Variants in SLC25A28 observed in about 807,000 individuals in gnomAD.
SLC25A28 encodes solute carrier family 25 member 28, also known as mitoferrin-2.
A neutral mutation model predicts 31.9 loss-of-function variants in SLC25A28; 10 were observed. The ratio of observed to expected loss-of-function variants is 0.31; its 90% CI spans 0.19 to 0.53. The LOEUF is 0.53. SLC25A28 is among the 20% of genes least tolerant of loss of function. The pLI, the probability that SLC25A28 is intolerant of heterozygous loss-of-function variation, is 0.95. For missense variants in SLC25A28, 256 were observed against 490.3 expected, an observed-to-expected ratio of 0.52 and a Z score of 4.51; for synonymous variants, 208 against 203.6, an observed-to-expected ratio of 1.02 and a Z score of -0.19.
the SLC25A28 span, among the ~76,000 whole-genome samples, chr10:99,638,144 A>C: frequency 6.6e-6 from 1 of 152,168 alleles, no homozygotes; most frequent in African/African-American, 2.4e-5. Context: ...AATCCCAAAT[A>C]CTTAACAGCC....
the SLC25A28 span, among the ~76,000 whole-genome samples, chr10:99,626,710 A>G: frequency 0.27 from 41,224 of 152,032 alleles, 5,634 homozygotes; most frequent in Non-Finnish European, 0.3. Context: ...AGGGCAAAAC[A>G]TGGCTTTAAG....
the SLC25A28 span, among the ~76,000 whole-genome samples, chr10:99,635,933 C>T: frequency 6.6e-6 from 1 of 152,110 alleles, no homozygotes; most frequent in African/African-American, 2.4e-5. Context: ...CAATCGTAAA[C>T]ATATATGCAC....
chr10:99,644,952 G>A, the SLC25A28 span, among the ~76,000 whole-genome samples: 4 of 152,138 alleles, frequency 2.6e-5, no homozygotes, highest in Non-Finnish European at 5.9e-5. Context: ...TGCCTTTGTG[G>A]GTAACCCGAC....
chr10:99,618,693 G>T, intron 1 of SLC25A28: 13 of 985,316 alleles, frequency 1.3e-5, no homozygotes, highest in Non-Finnish European at 1.6e-5. Context: ...GTTTTCAATG[G>T]ATATGGCCCT....
chr10:99,610,842 T>C lies in SLC25A28; in HGVS notation c.*7A>G. 1 of 1,611,820 alleles carries C rather than the reference T, an allele frequency of 6.2e-7. No individual in the cohort carries two copies. Among genetic ancestry groups the C allele is most frequent in the Non-Finnish European group, 8.5e-7 (1 of 1,178,536 alleles). On this transcript the variant is annotated 3_prime_UTR_variant, in exon 4 of 4. Transcript: ENST00000370495. ...CATCTGAACCCCTGGCTTCGTTCAG[T>C]GCTACTTCACTTGCCAGCCCTCCAC...
chr10:99,659,032 G>A, the SLC25A28 span, among the ~76,000 whole-genome samples: 3 of 152,202 alleles, frequency 2.0e-5, no homozygotes, highest in South Asian at 2.1e-4. The surrounding 1 kb of genome is among the most constrained non-coding windows in gnomAD (Gnocchi z 4.1). Flanking sequence ...TGATAGGGAA[G>A]GTTTAAGGTG....
At chr10:99,616,347 C>G in intron 1 of SLC25A28, 1 of 788,758 alleles carries the variant, frequency 1.3e-6, no homozygotes, top group Non-Finnish European at 1.5e-6. Flanking sequence ...CCAAGAATGA[C>G]TGGCTCACAG....
the SLC25A28 span, among the ~76,000 whole-genome samples, chr10:99,639,103 A>AAT: frequency 4.9e-3 from 744 of 151,590 alleles, 14 homozygotes; most frequent in South Asian, 0.072. Context: ...AACATATATA[A>AAT]ATATATATAT....
Position 99,611,196 on chromosome 10 carries a change from G to C in SLC25A28, c.748C>G (p.Gln250Glu). 6.2e-7 allele frequency: 1 copy of C among 1,614,194 alleles called. No homozygotes were observed. The highest frequency in any genetic ancestry group is 8.5e-7 in the Non-Finnish European group (1 of 1,180,038). Residue 250 changes from glutamine to glutamate, a missense_variant, in exon 4 of 4, where the codon CAG becomes GAG. By Grantham distance (29) the Gln-to-Glu change is conservative. Transcript: ENST00000370495. This position sits in a 1 kb window ranked among gnomAD's most constrained non-coding sequence, Gnocchi z 5.5. ...AIHFMTYEFL[Q>E]EHFNPQRRYN... ...CGTCTCTGGGGGTTAAAGTGCTCCTGCAGGAATTCATAGGTCATGAAGTGA... is the reference window on the plus strand; with the variant it reads ...CGTCTCTGGGGGTTAAAGTGCTCCTCCAGGAATTCATAGGTCATGAAGTGA...
the SLC25A28 span, among the ~76,000 whole-genome samples, chr10:99,652,703 G>A: frequency 6.6e-6 from 1 of 152,058 alleles, no homozygotes; most frequent in Non-Finnish European, 1.5e-5. Context: ...CAAGTACTAC[G>A]GGCTTTTAGA....
At chr10:99,638,137 C>T in the SLC25A28 span, among the ~76,000 whole-genome samples, 1 of 152,024 alleles carries the variant, frequency 6.6e-6, no homozygotes, top group African/African-American at 2.4e-5. Context: ...CAGAAATAAT[C>T]CCAAATACTT....
chr10:99,610,858 A>G lies in SLC25A28; in HGVS notation c.1086T>C (p.Ala362=). The G allele has an allele frequency of 6.2e-7, 1 of 1,613,144 alleles. No homozygotes were observed. The highest frequency in any genetic ancestry group is 8.5e-7 in the Non-Finnish European group (1 of 1,179,236). Residue 362 remains alanine, a synonymous_variant, in exon 4 of 4, where the codon GCT becomes GCC. Transcript: ENST00000370495. ...TTCGTTCAGTGCTACTTCACTTGCC[A>G]GCCCTCCACTCTTCTTGCCTTTTAG... ...LITKRQEEWR[A]GK is the part of the protein sequence containing the mutation.
chr10:99,639,543 C>T, the SLC25A28 span, among the ~76,000 whole-genome samples: 1 of 151,888 alleles, frequency 6.6e-6, no homozygotes, highest in Non-Finnish European at 1.5e-5. Flanking sequence ...CAATTTTAAA[C>T]TCAACCTAAA....
rs2034577644 is a variant in SLC25A28, at chr10:99,613,479, G to A, written c.520+217C>T. The A allele has an allele frequency of 2.1e-6, 3 of 1,421,520 alleles. No individual in the cohort carries two copies. Among genetic ancestry groups the A allele is most frequent in the Non-Finnish European group, 2.7e-6 (3 of 1,091,838 alleles). The allele number at this position is 1,421,520 out of a possible 1,614,324, so 88.1% of individuals were successfully genotyped here. On this transcript the variant is annotated intron_variant, in intron 2 of 3. Transcript: ENST00000370495. The surrounding 1 kb of genome is among the most constrained non-coding windows in gnomAD (Gnocchi z 4.9). ...CAAGTCAAGCTGGTAGGTAAGGGAG[G>A]ATACTGTAACCCTTTGTTGAGGTGC...
At chr10:99,626,591 G>C in the SLC25A28 span, among the ~76,000 whole-genome samples, 4 of 152,024 alleles carry the variant, frequency 2.6e-5, no homozygotes, top group Non-Finnish European at 5.9e-5. Flanking sequence ...TATTCGCTGG[G>C]TGCATAAAAA....
chr10:99,623,225 A>C (rs2034826425), upstream of SLC25A28, among the ~76,000 whole-genome samples: 1 of 152,196 alleles, frequency 6.6e-6, no homozygotes, highest in Non-Finnish European at 1.5e-5. Flanking sequence ...AACAGAAAGA[A>C]GGCCAGTGTG....
chr10:99,612,387 G>C (rs1165232801), intron 3 of SLC25A28, among the ~76,000 whole-genome samples, 156 bp downstream of exon 3: 1 of 152,070 alleles, frequency 6.6e-6, no homozygotes, highest in East Asian at 1.9e-4. Context: ...TGTCCAAGAG[G>C]GTGCCTCGTT....
intron 1 of SLC25A28, chr10:99,615,735 T>A: frequency 1.0e-6 from 1 of 985,292 alleles, no homozygotes; most frequent in Non-Finnish European, 1.2e-6. Context: ...ACGGGTCATA[T>A]GCTGGCTAGA....
the SLC25A28 span, among the ~76,000 whole-genome samples, chr10:99,640,660 CA>C: frequency 6.6e-6 from 1 of 152,082 alleles, no homozygotes; most frequent in African/African-American, 2.4e-5. Flanking sequence ...TGGTGTGCTG[CA>C]CCCATTAACT....
Sources: gnomAD v4.1 joint callset for allele counts (sites outside exome capture counted in the v4.1 genomes callset) on GRCh38, gnomAD v4.1.1 for gene constraint, Gnocchi (gnomAD v3.1) non-coding constraint, MANE v1.5 for transcripts, NCBI Gene and HGNC (gene_info 2026-07-23, HGNC 2026-07-21) for gene names.